The following ANK3 variants were observed in gnomAD, a reference collection of about 807,000 sequenced individuals.
ANK3 encodes the protein ankyrin 3, also known as ankyrin-3.
ANK3 carries 57 observed loss-of-function variants against 370.9 expected under a neutral mutation model. That is an observed-to-expected ratio of 0.15 (90% CI 0.12 to 0.19). The LOEUF (loss-of-function observed/expected upper bound fraction) is 0.19, where lower values mean the gene tolerates loss of function less well. Among genes scored for constraint, ANK3 ranks in the 10% least tolerant of loss-of-function variants. The pLI is 1.00. For synonymous variants in ANK3, 1,929 were observed against 1,946.3 expected, an observed-to-expected ratio of 0.99 and a Z score of 0.23; for missense variants, 4,439 against 5,302.1, an observed-to-expected ratio of 0.84 and a Z score of 5.06.
intron 1 of ANK3, among the ~76,000 whole-genome samples, chr10:60,322,665 G>A (rs2048923291): frequency 1.3e-5 from 2 of 152,076 alleles, no homozygotes; most frequent in South Asian, 4.1e-4. Context: ...ATGTATGTCA[G>A]ACTCTCTTTT....
chr10:60,366,424 C>T (rs923533301), intron 1 of ANK3, among the ~76,000 whole-genome samples: 1 of 152,092 alleles, frequency 6.6e-6, no homozygotes, highest in African/African-American at 2.4e-5. Context: ...TGATAATGAC[C>T]CTGCCAGGAA....
intron 2 of ANK3, among the ~76,000 whole-genome samples, chr10:60,608,476 A>T (rs984541992): frequency 2.0e-5 from 3 of 152,206 alleles, no homozygotes; most frequent in Non-Finnish European, 1.5e-5. Context: ...TTTATTGTGA[A>T]GAGAGAAGCA....
chr10:60,241,938 C>T (rs1330843356), intron 7 of ANK3, among the ~76,000 whole-genome samples: 2 of 152,138 alleles, frequency 1.3e-5, no homozygotes, highest in African/African-American at 2.4e-5. Flanking sequence ...TTACAGTACA[C>T]AGCAAGTTTA....
At chr10:60,381,780 T>A (rs1258459215) in intron 1 of ANK3, among the ~76,000 whole-genome samples, 1 of 152,048 alleles carries the variant, frequency 6.6e-6, no homozygotes, top group Non-Finnish European at 1.5e-5. Context: ...AAAGAAAAAA[T>A]AGTATCCCTA....
intron 1 of ANK3, among the ~76,000 whole-genome samples, chr10:60,621,147 T>C (rs2078331563): frequency 6.6e-6 from 1 of 152,178 alleles, no homozygotes; most frequent in Non-Finnish European, 1.5e-5. Flanking sequence ...ATTTCTCCAC[T>C]GCAAACGATG....
Position 60,659,624 on chromosome 10 carries a change from A to G in ANK3, c.58-44400T>C, listed in dbSNP as rs540635083. Among the ~76,000 whole-genome samples, 4 of 152,236 alleles carry G rather than the reference A, an allele frequency of 2.6e-5. No homozygotes were observed. The East Asian group carries it at 7.7e-4, about 29-fold the overall frequency. ...ATCACTGTACATATAAACATTTTTA[A>G]TAAAAGAGTATATCCTTAGTTTATC... On this transcript the variant is annotated intron_variant, in intron 1 of 43. Coordinates refer to the ANK3 transcript ENST00000373827.
intron 1 of ANK3, among the ~76,000 whole-genome samples, chr10:60,322,743 C>CAA (rs1394244168): frequency 6.6e-6 from 1 of 151,968 alleles, no homozygotes; most frequent in Non-Finnish European, 1.5e-5. Flanking sequence ...TGTCTGGATA[C>CAA]AAACAATTTT....
chr10:60,411,529 C>G (rs528909331), intron 2 of ANK3, among the ~76,000 whole-genome samples: 79 of 152,266 alleles, frequency 5.2e-4, no homozygotes, highest in African/African-American at 1.7e-3. Flanking sequence ...TTCTCAGTCT[C>G]TGGAGGGGTG....
At chr10:60,103,760 T>C (rs1245997959) in intron 28 of ANK3, among the ~76,000 whole-genome samples, 1 of 152,206 alleles carries the variant, frequency 6.6e-6, no homozygotes, top group Non-Finnish European at 1.5e-5. Flanking sequence ...TGCATTTCCT[T>C]TGAATTGTCT....
intron 2 of ANK3, among the ~76,000 whole-genome samples, chr10:60,579,212 C>T (rs1595311108): frequency 6.6e-6 from 1 of 151,244 alleles, no homozygotes; most frequent in Non-Finnish European, 1.5e-5. Context: ...GTAGTCCCAG[C>T]TACTCAGGAG....
At chr10:60,594,579 A>C (rs1416358710) in intron 2 of ANK3, among the ~76,000 whole-genome samples, 1 of 152,122 alleles carries the variant, frequency 6.6e-6, no homozygotes, top group African/African-American at 2.4e-5. Context: ...ATTTCAACCT[A>C]TAAGGATAAG....
intron 7 of ANK3, among the ~76,000 whole-genome samples, chr10:60,240,006 A>AAT (rs2097402019): frequency 6.1e-5 from 2 of 32,648 alleles, no homozygotes; most frequent in South Asian, 2.1e-3. Context: ...TGTATGTGTG[A>AAT]ATATATACAC....
intron 2 of ANK3, among the ~76,000 whole-genome samples, chr10:60,570,945 G>A (rs918366680): frequency 6.6e-6 from 1 of 151,982 alleles, no homozygotes; most frequent in Non-Finnish European, 1.5e-5. Context: ...TTGCACCGTC[G>A]TGGTTCATGT....
chr10:60,287,610 T>G (rs930796017), intron 1 of ANK3, among the ~76,000 whole-genome samples: 2 of 152,234 alleles, frequency 1.3e-5, no homozygotes, highest in Non-Finnish European at 2.9e-5. Flanking sequence ...ATTTATTTCT[T>G]AAGTATTCAA....
At chr10:60,115,175 G>A in intron 25 of ANK3, among the ~76,000 whole-genome samples, 1 of 152,128 alleles carries the variant, frequency 6.6e-6, no homozygotes, top group East Asian at 1.9e-4. Context: ...ACTTATAATG[G>A]GAAGAGATTT....
In ANK3 at chr10:60,088,348, G is replaced by T. The variant is rs2087227222; in HGVS notation, c.3339C>A (p.Ser1113Arg). The T allele has an allele frequency of 6.2e-7, 1 of 1,613,850 alleles. No homozygotes were observed. The highest frequency in any genetic ancestry group is 8.5e-7 in the Non-Finnish European group (1 of 1,179,890). ...TACGCTTTTTCCCTAACTCTTCTGG[G>T]CTATCAAGTTCTGAAAAGACAAATG... ...LLNGMDEELD[S>R]PEELGKKRIC... Residue 1113 changes from serine (S) to arginine (R), a missense_variant, in exon 29 of 44, where the codon AGC becomes AGA. Coordinates refer to ENST00000280772, the MANE Select transcript of ANK3 (RefSeq NM_020987.5).
At chr10:60,167,273 G>A (rs1186189436) in intron 21 of ANK3, among the ~76,000 whole-genome samples, 1 of 152,160 alleles carries the variant, frequency 6.6e-6, no homozygotes, top group African/African-American at 2.4e-5. Flanking sequence ...AGCCAAATGA[G>A]CTGCAAGAAA....
rs528716704 is a variant in ANK3 at position 60,080,453 on chromosome 10, A to G, written c.4432+84T>C. 5.7e-5 allele frequency: 69 copies of G among 1,219,490 alleles called. No individual in the cohort carries two copies. The East Asian group carries it at 1.7e-3, about 29-fold the overall frequency. The allele number at this position is 1,219,490 out of a possible 1,614,324, so 75.5% of individuals were successfully genotyped here. Reference sequence around the variant, plus strand: ...ATTTTTCTTTTGCCATTGAGTTTCCAAATGATAAAATTTGGTTTGTATAGA... The same window carrying G: ...ATTTTTCTTTTGCCATTGAGTTTCCGAATGATAAAATTTGGTTTGTATAGA... On this transcript the variant is annotated intron_variant, in intron 36 of 43. Transcript: ENST00000280772.
At chr10:60,654,122 T>C (rs1320806250) in intron 1 of ANK3, among the ~76,000 whole-genome samples, 1 of 152,348 alleles carries the variant, frequency 6.6e-6, no homozygotes, top group East Asian at 1.9e-4. Flanking sequence ...TTTTTAATTG[T>C]TTATTGCTAC....
Sources: gnomAD v4.1 joint callset for allele counts (sites outside exome capture counted in the v4.1 genomes callset) on GRCh38, gnomAD v4.1.1 for gene constraint, MANE v1.5 for transcripts, NCBI Gene and HGNC (gene_info 2026-07-23, HGNC 2026-07-21) for gene names.